ARFIP1: variants seen among roughly 807,000 people sequenced by gnomAD.
The protein encoded by ARFIP1 is ARF interacting protein 1.
A neutral mutation model predicts 42.5 loss-of-function variants in ARFIP1; 24 were observed. The ratio of observed to expected loss-of-function variants is 0.57; its 90% CI spans 0.41 to 0.80. The LOEUF (loss-of-function observed/expected upper bound fraction) is 0.80. Ranked by LOEUF, ARFIP1 falls within the 30% of genes least tolerant of loss-of-function variation. ARFIP1 has a pLI of 0.00. For synonymous variants in ARFIP1, 141 were observed against 153.7 expected (o/e 0.92, Z 0.61); for missense variants, 354 against 434.0 (o/e 0.82, Z 1.64).
At chr4:152,826,225 C>G (rs936866620) in intron 1 of ARFIP1, among the ~76,000 whole-genome samples, 5 of 151,946 alleles carry the variant, frequency 3.3e-5, no homozygotes, top group Non-Finnish European at 4.4e-5. Flanking sequence ...ACCTCAGTGC[C>G]CAACAACCAA....
At chr4:152,785,129 A>T (rs1183745600) in intron 1 of ARFIP1, among the ~76,000 whole-genome samples, 1 of 152,096 alleles carries the variant, frequency 6.6e-6, no homozygotes, top group African/African-American at 2.4e-5. Flanking sequence ...GGAGTGGGGG[A>T]ATGGGTCACA....
chr4:152,817,441 C>T (rs1729990135), intron 1 of ARFIP1, among the ~76,000 whole-genome samples: 2 of 152,180 alleles, frequency 1.3e-5, no homozygotes, highest in Admixed American at 1.3e-4. Flanking sequence ...TCTTACCTCA[C>T]ACCATATACA....
chr4:152,904,682 A>G (rs1315705855), intron 8 of ARFIP1, among the ~76,000 whole-genome samples: 1 of 152,022 alleles, frequency 6.6e-6, no homozygotes, highest in Non-Finnish European at 1.5e-5. Flanking sequence ...TTTGCTGAGG[A>G]TGATGGCTTC....
intron 1 of ARFIP1, among the ~76,000 whole-genome samples, chr4:152,812,842 A>G (rs1031946558): frequency 1.3e-5 from 2 of 152,044 alleles, no homozygotes; most frequent in African/African-American, 2.4e-5. Flanking sequence ...CTTCTTTTTC[A>G]TTTCCACAAT....
At position 152,805,608 on chromosome 4, in the gene ARFIP1, G is replaced by A. The variant is rs371961685; in HGVS notation, c.-9-24017G>A. 2.6e-5 allele frequency among the ~76,000 whole-genome samples: 4 copies of A among 152,210 alleles called. No individual in the cohort carries two copies. The East Asian group carries it at 5.8e-4, about 22-fold the overall frequency. The stretch of plus-strand genomic sequence containing the variant: ...CCTAGTTTCTGATTCTAAGTCTGGG[G>A]CAAGTGGGCTTTGATTTGGCAGAGC... On this transcript the variant is annotated intron_variant, in intron 1 of 8. Transcript: ENST00000353617.
At chr4:152,849,331 G>A (rs62319908) in intron 2 of ARFIP1, among the ~76,000 whole-genome samples, 6,491 of 152,020 alleles carry the variant, frequency 0.043, 173 homozygotes, top group South Asian at 0.11. Flanking sequence ...ATGAAAGGTT[G>A]AAGGCTTATC....
In ARFIP1 at chr4:152,902,288, G is replaced by C. The variant is rs1561184026; in HGVS notation, c.967-7776G>C. ...AGTCCAGGGTGGGAGGATCACTTGA[G>C]GCCAAGAGTTTGAGACCAGCCTGAG... On this transcript the variant is annotated intron_variant, in intron 8 of 8. Coordinates refer to ENST00000353617, the MANE Select transcript of ARFIP1 (RefSeq NM_001025595.3). Among the ~76,000 whole-genome samples, 5 of 152,330 alleles carry C rather than the reference G, an allele frequency of 3.3e-5. No homozygotes were observed. In the South Asian group the frequency reaches 1.0e-3, roughly 32 times the overall value.
intron 1 of ARFIP1, among the ~76,000 whole-genome samples, chr4:152,804,172 A>T (rs1278473731): frequency 8.4e-6 from 1 of 119,162 alleles, no homozygotes; most frequent in Admixed American, 9.7e-5. Context: ...ATAATATAAC[A>T]TGTATTATAT....
chr4:152,791,882 G>T (rs1414284068), intron 1 of ARFIP1, among the ~76,000 whole-genome samples: 1 of 151,994 alleles, frequency 6.6e-6, no homozygotes, highest in Non-Finnish European at 1.5e-5. Context: ...AAAAGTTGTG[G>T]TAATATAAAA....
intron 2 of ARFIP1, 120 bp from the exon 3 acceptor site, chr4:152,863,486 T>C (rs1053481081): frequency 5.2e-6 from 3 of 575,584 alleles, no homozygotes; most frequent in African/African-American, 1.9e-5. Context: ...CATAAGGGAA[T>C]ACCGCATAGC....
At chr4:152,872,423 TTG>T in intron 4 of ARFIP1, 27 bp from the exon 5 acceptor site, 1 of 1,414,368 alleles carries the variant, frequency 7.1e-7, no homozygotes. Context: ...TTCATCTGGA[TTG>T]TGTTTTTATC....
At chr4:152,781,417 A>G (rs1730490328) in intron 1 of ARFIP1, among the ~76,000 whole-genome samples, 1 of 151,794 alleles carries the variant, frequency 6.6e-6, no homozygotes, top group African/African-American at 2.4e-5. Context: ...TTGTATTTTT[A>G]GTAGAGACGG....
At chr4:152,860,015 T>A (rs932048522) in intron 2 of ARFIP1, among the ~76,000 whole-genome samples, 1 of 152,010 alleles carries the variant, frequency 6.6e-6, no homozygotes, top group African/African-American at 2.4e-5. Flanking sequence ...AATATGAAAA[T>A]ACATTCTTAG....
At position 152,866,174 on chromosome 4, in the gene ARFIP1, A is replaced by G. The variant is rs539850403; in HGVS notation, c.202+2460A>G. Among the ~76,000 whole-genome samples, 107 of 152,302 alleles carry G rather than the reference A, an allele frequency of 7.0e-4. 1 individual carries two copies. Among genetic ancestry groups the G allele is most frequent in the African/African-American group, 2.5e-3 (102 of 41,572 alleles). On this transcript the variant is annotated intron_variant, in intron 3 of 8. Coordinates refer to ENST00000353617, the MANE Select transcript of ARFIP1 (RefSeq NM_001025595.3). ...GGACACAGCACATGTTTCAGAGAGC[A>G]CAGGGTTGGGGGTAAGGTCATAGAT...
chr4:152,901,196 ACTGT>A (rs956019388), intron 8 of ARFIP1, among the ~76,000 whole-genome samples: 1 of 152,232 alleles, frequency 6.6e-6, no homozygotes, highest in African/African-American at 2.4e-5. Context: ...GTAGAAATAA[ACTGT>A]CTTTTATATT....
chr4:152,805,034 C>T (rs1451443620), intron 1 of ARFIP1, among the ~76,000 whole-genome samples: 1 of 152,104 alleles, frequency 6.6e-6, no homozygotes, highest in Non-Finnish European at 1.5e-5. Context: ...CAGTGGCTGG[C>T]ATGTAGTAAA....
chr4:152,885,033 A>G (rs1020502015), intron 7 of ARFIP1, among the ~76,000 whole-genome samples: 1 of 152,058 alleles, frequency 6.6e-6, no homozygotes, highest in Non-Finnish European at 1.5e-5. Flanking sequence ...TTTTTATTCA[A>G]ATTACAATGT....
chr4:152,834,891 G>T (rs561456814), intron 2 of ARFIP1, among the ~76,000 whole-genome samples: 1 of 152,200 alleles, frequency 6.6e-6, no homozygotes, highest in Non-Finnish European at 1.5e-5. Context: ...ACACCACATG[G>T]AAGCTGCCAA....
intron 1 of ARFIP1, among the ~76,000 whole-genome samples, chr4:152,785,164 C>T (rs1730727707): frequency 1.3e-5 from 2 of 151,882 alleles, no homozygotes; most frequent in Admixed American, 6.6e-5. Flanking sequence ...GTAATCCATT[C>T]TTGGCACACT....
Sources: allele counts gnomAD v4.1 joint callset (sites outside exome capture counted in the v4.1 genomes callset), GRCh38; gene constraint gnomAD v4.1.1; transcripts MANE v1.5; gene names NCBI Gene and HGNC (gene_info 2026-07-23, HGNC 2026-07-21).